Variants in FARP1 observed in about 807,000 individuals in gnomAD.
FARP1 encodes the protein FERM, ARHGEF and pleckstrin domain-containing protein 1.
FARP1 carries 52 observed loss-of-function variants against 128.8 expected under a neutral mutation model. That is an observed-to-expected ratio of 0.40 (90% CI 0.32 to 0.51). The LOEUF (loss-of-function observed/expected upper bound fraction) is 0.51, where lower values mean the gene tolerates loss of function less well. FARP1 is among the 20% of genes least tolerant of loss of function. The pLI, the probability that FARP1 is intolerant of heterozygous loss-of-function variation, is 0.45. For synonymous variants in FARP1, 580 were observed against 551.8 expected (o/e 1.05, Z -0.72); for missense variants, 1,333 against 1,367.9 (o/e 0.97, Z 0.40).
chr13:98,411,976 C>A lies in FARP1; in HGVS notation c.1768C>A (p.Pro590Thr). ...AAGTCTCATATTCCCGAATTTTGAA[C>A]CTTTGCACAAATTTCATACTAATTT... ...LKSLIFPNFEPLHKFHTNFLK... is the reference protein window; with the variant it reads ...LKSLIFPNFETLHKFHTNFLK... The change falls in exon 16 of 27, where the codon CCT becomes ACT. Residue 590 changes from proline (P) to threonine (T), a missense_variant. This residue lies in a region of FARP1 where 1,009 missense variants were observed against 969.8 expected (regional missense o/e 1.04). Transcript: ENST00000319562. 6.2e-7 allele frequency: 1 copy of A among 1,614,002 alleles called. No individual in the cohort carries two copies. Among genetic ancestry groups the A allele is most frequent in the South Asian group, 1.1e-5 (1 of 91,076 alleles).
chr13:98,351,617 A>AG (rs1888430116), intron 3 of FARP1, among the ~76,000 whole-genome samples: 6 of 151,894 alleles, frequency 4.0e-5, no homozygotes. Context: ...ATCTAAAAAA[A>AG]AAAAAAAAAG....
chr13:98,448,377 G>C lies in FARP1; in HGVS notation c.*60G>C. On this transcript the variant is annotated 3_prime_UTR_variant, in exon 27 of 27. Coordinates refer to ENST00000319562, the MANE Select transcript of FARP1 (RefSeq NM_005766.4). ...TCCTGGAAGACGTTTCCTTTCTTCT[G>C]TATTAATGAAGCCTGGTAAAATTAA... The C allele has an allele frequency of 7.7e-7, 1 of 1,304,694 alleles. No homozygotes were observed. Among genetic ancestry groups the C allele is most frequent in the Non-Finnish European group, 1.1e-6 (1 of 898,712 alleles). The allele number at this position is 1,304,694 out of a possible 1,614,324, so 80.8% of individuals were successfully genotyped here.
rs1451016497 is a variant in FARP1 at position 98,175,950 on chromosome 13, A to G, written c.-24+32458A>G. The G allele has an allele frequency of 3.3e-5, 19 of 575,020 alleles. 1 individual carries two copies. Among genetic ancestry groups the G allele is most frequent in the African/African-American group, 7.5e-5 (4 of 53,290 alleles). 35.6% of individuals were successfully genotyped at this position (575,020 alleles called of 1,614,324 possible). ...TGTGTGTATCGCATTTTGTTTGTCC[A>G]TTCATCCATCCATGGACACTTGGGT... On this transcript the variant is annotated intron_variant, in intron 1 of 26. Coordinates refer to ENST00000319562, the MANE Select transcript of FARP1 (RefSeq NM_005766.4).
intron 2 of FARP1, among the ~76,000 whole-genome samples, chr13:98,221,281 C>T (rs1312705426): frequency 1.3e-5 from 2 of 152,318 alleles, no homozygotes; most frequent in East Asian, 3.9e-4. Flanking sequence ...AATTGAGGCT[C>T]TGCTTTCAAT....
chr13:98,410,706 G>T (rs751070551), intron 14 of FARP1, 28 bp from the exon 15 acceptor site: 3 of 1,249,326 alleles, frequency 2.4e-6, no homozygotes, highest in Non-Finnish European at 3.5e-6. Flanking sequence ...TGATTATTGC[G>T]CTTTGTTTCT....
chr13:98,390,173 C>T (rs1890255059), intron 10 of FARP1, 53 bp downstream of exon 10: 2 of 1,566,690 alleles, frequency 1.3e-6, no homozygotes, highest in Admixed American at 1.7e-5. Flanking sequence ...TTTCCTCCCG[C>T]CTCTCACAGC....
At chr13:98,446,312 G>A (rs1892832156) in intron 25 of FARP1, 107 bp downstream of exon 25, 1 of 717,334 alleles carries the variant, frequency 1.4e-6, no homozygotes, top group East Asian at 2.5e-5. Context: ...GGCTCCAGGT[G>A]TCACGGGGAT....
chr13:98,448,290 G>C lies in FARP1; in HGVS notation c.3111G>C (p.Leu1037Phe), dbSNP rs564920541. ...ATSSASRPHVLSHKESLVY is the reference protein window; with the variant it reads ...ATSSASRPHVFSHKESLVY The stretch of plus-strand genomic sequence containing the variant: ...GCTCTGCCTCGCGACCCCACGTGTT[G>C]AGTCACAAAGAGTCTCTTGTGTATT... Residue 1037 changes from leucine to phenylalanine, a missense_variant, in exon 27 of 27, where the codon TTG becomes TTC. By Grantham distance (22) the Leu-to-Phe change is conservative. Coordinates refer to ENST00000319562, the MANE Select transcript of FARP1 (RefSeq NM_005766.4). 32 of 1,614,016 alleles carry C rather than the reference G, an allele frequency of 2.0e-5. 1 individual carries two copies. The East Asian group carries it at 5.8e-4, about 29-fold the overall frequency.
chr13:98,160,675 T>G (rs1876818459), intron 1 of FARP1, among the ~76,000 whole-genome samples: 1 of 152,116 alleles, frequency 6.6e-6, no homozygotes, highest in Non-Finnish European at 1.5e-5. Context: ...ATTTAAATTT[T>G]TTTTTTGAGA....
chr13:98,213,263 G>C lies in FARP1; in HGVS notation c.21G>C (p.Arg7Ser). The change falls in exon 2 of 27, where the codon AGG (arginine) becomes AGC (serine). Residue 7 changes from arginine to serine, a missense_variant. Transcript: ENST00000319562. MGEIEQ[R>S]PTPGSRLGAP... ...TCATCATGGGAGAAATAGAGCAGAG[G>C]CCGACCCCAGGATCACGACTGGGGG... 1 of 1,613,608 alleles carries C rather than the reference G, an allele frequency of 6.2e-7. No individual in the cohort carries two copies. Among genetic ancestry groups the C allele is most frequent in the East Asian group, 2.2e-5 (1 of 44,878 alleles).
intron 2 of FARP1, among the ~76,000 whole-genome samples, chr13:98,237,778 C>T (rs144326594): frequency 1.3e-5 from 2 of 152,186 alleles, no homozygotes; most frequent in African/African-American, 2.4e-5. Context: ...AGGACTGCAG[C>T]TTCAGTTGCC....
intron 16 of FARP1, among the ~76,000 whole-genome samples, chr13:98,415,686 G>T (rs1449535283): frequency 1.3e-5 from 2 of 152,260 alleles, no homozygotes; most frequent in African/African-American, 4.8e-5. Flanking sequence ...AATCTGTTCA[G>T]TGAGAAGAAT....
intron 1 of FARP1, among the ~76,000 whole-genome samples, chr13:98,144,219 TG>T (rs200604268): frequency 0.018 from 2,760 of 150,988 alleles, 81 homozygotes; most frequent in African/African-American, 0.064. Context: ...TGTGTGTGTG[TG>T]TGTGTGTTTT....
At position 98,448,245 on chromosome 13, in the gene FARP1, A is replaced by G; in HGVS notation, c.3066A>G (p.Glu1022=). The G allele has an allele frequency of 6.2e-7, 1 of 1,613,928 alleles. No individual in the cohort carries two copies. Among genetic ancestry groups the G allele is most frequent in the Admixed American group, 1.7e-5 (1 of 60,030 alleles). ...CGTTCCCGTGTTGCAGGTGGATGGA[A>G]GTGATCCGCAGTGCCACCAGCTCTG... ...ESEYTFERWM[E]VIRSATSSAS... is the part of the protein sequence containing the mutation. The change falls in exon 27 of 27, where the codon GAA becomes GAG. Residue 1022 remains glutamate (E), a synonymous_variant. Coordinates refer to ENST00000319562, the MANE Select transcript of FARP1 (RefSeq NM_005766.4).
At chr13:98,402,273 C>T (rs9584835) in intron 13 of FARP1, 12,293 of 152,276 alleles carry the variant, frequency 0.081, 548 homozygotes, top group Middle Eastern at 0.11. Flanking sequence ...AGACCAAGGA[C>T]GCTAAGGAGG....
At chr13:98,150,484 A>T (rs1333168214) in intron 1 of FARP1, among the ~76,000 whole-genome samples, 1 of 152,250 alleles carries the variant, frequency 6.6e-6, no homozygotes, top group Non-Finnish European at 1.5e-5. Flanking sequence ...AAAGATCTAC[A>T]TAGTATGAAT....
At chr13:98,379,182 T>TATATATAATATATAATATATATATA (rs1475583543) in intron 6 of FARP1, among the ~76,000 whole-genome samples, 2 of 74,340 alleles carry the variant, frequency 2.7e-5, no homozygotes, top group South Asian at 4.1e-4. Context: ...CTATATATAA[T>TATATATAATATATAATATATATATA]ATATATAATA....
chr13:98,256,743 A>G (rs972013865), intron 2 of FARP1, among the ~76,000 whole-genome samples: 6 of 150,820 alleles, frequency 4.0e-5, no homozygotes, highest in African/African-American at 1.5e-4. Context: ...TATTTTCAGT[A>G]GAGATGAGAT....
At chr13:98,180,739 G>A (rs771450163) in intron 1 of FARP1, among the ~76,000 whole-genome samples, 2 of 152,080 alleles carry the variant, frequency 1.3e-5, no homozygotes, top group Non-Finnish European at 2.9e-5. Context: ...GTAAAGTAAT[G>A]TTTATCATTT....
Sources: gnomAD v4.1 joint callset for allele counts (sites outside exome capture counted in the v4.1 genomes callset) on GRCh38, gnomAD v4.1.1 for gene constraint, gnomAD v4.1.1 regional missense constraint, MANE v1.5 for transcripts, NCBI Gene and HGNC (gene_info 2026-07-23, HGNC 2026-07-21) for gene names.